Variants in APBB2 observed in about 807,000 individuals in gnomAD.
The protein encoded by APBB2 is amyloid beta precursor protein binding family B member 2, also known as Fe65-like 1.
In APBB2, 38 loss-of-function variants were observed where a neutral mutation model predicts 82.5. The observed-to-expected ratio is 0.46, with a 90% CI of 0.36 to 0.60. The LOEUF is 0.60. APBB2 is among the 20% of genes least tolerant of loss of function. APBB2 has a pLI of 0.00. For missense variants in APBB2, 772 were observed against 972.3 expected (o/e 0.79, Z 2.74); for synonymous variants, 341 against 368.2 (o/e 0.93, Z 0.85).
At chr4:41,124,945 A>C (rs1311333548) in intron 2 of APBB2, among the ~76,000 whole-genome samples, 2 of 152,200 alleles carry the variant, frequency 1.3e-5, no homozygotes, top group Non-Finnish European at 2.9e-5. Flanking sequence ...ACTTTGGGAT[A>C]GGGAGAAAAG....
In APBB2 at chr4:41,194,826, TACTC is replaced by T; in HGVS notation, c.-417+19575_-417+19578del. On this transcript the variant is annotated intron_variant, in intron 1 of 17. Transcript: ENST00000508593. ...TTGAAGTAAGATAAAATCTAAGGAATACTCACTCACTCGTTTTTCTTTTTTTAAT... is the reference window on the plus strand; with the variant it reads ...TTGAAGTAAGATAAAATCTAAGGAATACTCACTCGTTTTTCTTTTTTTAAT... Among the ~76,000 whole-genome samples the T allele has an allele frequency of 9.2e-3, 1,407 of 152,342 alleles. 9 individuals carry two copies. Among genetic ancestry groups the T allele is most frequent in the African/African-American group, 0.013 (522 of 41,578 alleles).
At chr4:41,089,190 T>G (rs1348744120) in intron 3 of APBB2, among the ~76,000 whole-genome samples, 1 of 152,190 alleles carries the variant, frequency 6.6e-6, no homozygotes, top group Non-Finnish European at 1.5e-5. Context: ...ATCCTTCTGA[T>G]TGGCCAGAAA....
At position 41,076,010 on chromosome 4, in the gene APBB2, C is replaced by G. The variant is rs985340565; in HGVS notation, c.-148-10337G>C. Among the ~76,000 whole-genome samples the G allele has an allele frequency of 4.6e-5, 7 of 152,296 alleles. No individual in the cohort carries two copies. In the Middle Eastern group the frequency reaches 0.01, roughly 222 times the overall value. On this transcript the variant is annotated intron_variant, in intron 3 of 17. Coordinates refer to ENST00000508593, the MANE Select transcript of APBB2 (RefSeq NM_004307.2). ...ATAGATTACAACCCGGTGCTTATCT[C>G]CATTCCCTCCCAAAACCACCCCTAA...
At chr4:41,098,110 T>G (rs1744183809) in intron 3 of APBB2, among the ~76,000 whole-genome samples, 1 of 152,114 alleles carries the variant, frequency 6.6e-6, no homozygotes, top group African/African-American at 2.4e-5. Flanking sequence ...AACCTTCTCT[T>G]TTTTTAACCT....
At chr4:41,113,406 A>G (rs2153983891) in intron 2 of APBB2, among the ~76,000 whole-genome samples, 1 of 152,326 alleles carries the variant, frequency 6.6e-6, no homozygotes, top group East Asian at 1.9e-4. Context: ...ATGCAATACA[A>G]AATCACGTCA....
chr4:41,067,653 G>A (rs1032642514), intron 3 of APBB2, among the ~76,000 whole-genome samples: 2 of 152,172 alleles, frequency 1.3e-5, no homozygotes, highest in Non-Finnish European at 2.9e-5. Flanking sequence ...AGAATGTGCA[G>A]AGGAAAACCA....
chr4:41,042,085 C>T (rs890436290), intron 4 of APBB2, among the ~76,000 whole-genome samples: 1 of 152,072 alleles, frequency 6.6e-6, no homozygotes, highest in Non-Finnish European at 1.5e-5. Context: ...CCGCCTCCTG[C>T]ATTCAACCGA....
chr4:40,883,990 T>A (rs1297822182), intron 12 of APBB2, among the ~76,000 whole-genome samples: 1 of 152,240 alleles, frequency 6.6e-6, no homozygotes, highest in Non-Finnish European at 1.5e-5. Context: ...ATCTCTTCAA[T>A]GAAGAAGCCA....
At chr4:41,059,391 G>A (rs1460978826) in intron 4 of APBB2, among the ~76,000 whole-genome samples, 1 of 152,262 alleles carries the variant, frequency 6.6e-6, no homozygotes, top group Non-Finnish European at 1.5e-5. Flanking sequence ...AACCCAGGAT[G>A]TTGGGGGCAA....
chr4:41,049,426 G>GC (rs1222863572), intron 4 of APBB2, among the ~76,000 whole-genome samples: 1 of 126,694 alleles, frequency 7.9e-6, no homozygotes, highest in Non-Finnish European at 1.6e-5. Flanking sequence ...ATGGGGGACA[G>GC]CCCCGCCCGG....
intron 1 of APBB2, among the ~76,000 whole-genome samples, chr4:41,144,554 T>C (rs2154023053): frequency 6.6e-6 from 1 of 152,360 alleles, no homozygotes; most frequent in Admixed American, 6.5e-5. Context: ...GGGGTATCTA[T>C]GCTATATTAG....
At chr4:41,098,143 T>C (rs1310745645) in intron 3 of APBB2, among the ~76,000 whole-genome samples, 2 of 152,090 alleles carry the variant, frequency 1.3e-5, no homozygotes, top group Non-Finnish European at 2.9e-5. Context: ...GTAAACATCC[T>C]TCTGCGTATA....
chr4:40,906,484 A>AGAAAAG (rs1560856748), intron 10 of APBB2, among the ~76,000 whole-genome samples: 4 of 141,552 alleles, frequency 2.8e-5, no homozygotes, highest in Non-Finnish European at 6.1e-5. Flanking sequence ...AAAAAAAAAA[A>AGAAAAG]AAAAGAAAAG....
chr4:41,159,960 GGAGAAGAAGAAGAAGAAGA>G (rs1560913338), intron 1 of APBB2, among the ~76,000 whole-genome samples: 2 of 72,206 alleles, frequency 2.8e-5, no homozygotes, highest in East Asian at 7.5e-4. Flanking sequence ...AGAAGGAGAA[GGAGAAGAAGAAGAAGAAGA>G]AGAAGAAGAA....
At chr4:40,992,221 G>A (rs1802310893) in intron 6 of APBB2, among the ~76,000 whole-genome samples, 1 of 152,152 alleles carries the variant, frequency 6.6e-6, no homozygotes, top group Non-Finnish European at 1.5e-5. Context: ...TGCACAAGCT[G>A]GAAGCCAGTG....
chr4:41,125,976 G>T (rs563750689), intron 2 of APBB2, among the ~76,000 whole-genome samples: 1 of 152,144 alleles, frequency 6.6e-6, no homozygotes, highest in African/African-American at 2.4e-5. Context: ...GAAACCCGAG[G>T]ACTCCAATCA....
chr4:40,824,079 G>C (rs191373100), intron 15 of APBB2, among the ~76,000 whole-genome samples: 5 of 152,220 alleles, frequency 3.3e-5, no homozygotes, highest in Non-Finnish European at 7.4e-5. Flanking sequence ...TTGAACCCAG[G>C]AGGCGGAGGC....
At chr4:40,822,162 G>C in intron 16 of APBB2, 112 bp from the exon 17 acceptor site, 1 of 1,303,800 alleles carries the variant, frequency 7.7e-7, no homozygotes, top group African/African-American at 1.5e-5. Context: ...ATTCAGAAAG[G>C]ACCTGTGTTT....
intron 17 of APBB2, among the ~76,000 whole-genome samples, chr4:40,816,881 A>T (rs905202539): frequency 2.0e-5 from 3 of 152,326 alleles, no homozygotes; most frequent in African/African-American, 4.8e-5. Flanking sequence ...TGTTTTAATT[A>T]AAAAGATGAG....
Sources: gnomAD v4.1 joint callset for allele counts (sites outside exome capture counted in the v4.1 genomes callset) on GRCh38, gnomAD v4.1.1 for gene constraint, MANE v1.5 for transcripts, NCBI Gene and HGNC (gene_info 2026-07-23, HGNC 2026-07-21) for gene names.